Variants in SH3GL2 observed in about 807,000 individuals in gnomAD.
SH3GL2 encodes the protein endophilin-A1.
Under a neutral mutation model 46.0 loss-of-function variants are expected in SH3GL2, and 24 were observed. That is an observed-to-expected ratio of 0.52 (90% CI 0.38 to 0.73). The LOEUF (loss-of-function observed/expected upper bound fraction) is 0.73, where lower values mean the gene tolerates loss of function less well. Among genes scored for constraint, SH3GL2 ranks in the 30% least tolerant of loss-of-function variants. SH3GL2 has a pLI of 0.00. For missense variants in SH3GL2, 413 were observed against 424.2 expected (o/e 0.97, Z 0.23); for synonymous variants, 196 against 147.1 (o/e 1.33, Z -2.40).
intron 3 of SH3GL2, among the ~76,000 whole-genome samples, chr9:17,765,718 G>C (rs1044505166): frequency 1.3e-5 from 2 of 152,088 alleles, no homozygotes; most frequent in Non-Finnish European, 1.5e-5. Flanking sequence ...ACCACATTAG[G>C]TTCCCCTGTC....
intron 1 of SH3GL2, among the ~76,000 whole-genome samples, chr9:17,723,894 G>A (rs905261695): frequency 4.6e-5 from 7 of 152,020 alleles, no homozygotes; most frequent in Admixed American, 3.9e-4. Flanking sequence ...ATTACATAAT[G>A]AAATTCATAA....
chr9:17,752,347 T>C lies in SH3GL2; in HGVS notation c.114+5213T>C, dbSNP rs150932772. 2.8e-3 allele frequency among the ~76,000 whole-genome samples: 427 copies of C among 152,362 alleles called. 3 individuals are homozygous for C. Among genetic ancestry groups the C allele is most frequent in the African/African-American group, 9.8e-3 (406 of 41,588 alleles). ...GGTGTGTATGCATTATTAATAGTTG[T>C]AGTTTCTTAACTTCAGTGACAGAAA... On this transcript the variant is annotated intron_variant, in intron 2 of 8. Coordinates refer to ENST00000380607, the MANE Select transcript of SH3GL2 (RefSeq NM_003026.5).
At chr9:17,682,797 T>A (rs530763792) in intron 1 of SH3GL2, among the ~76,000 whole-genome samples, 1 of 152,226 alleles carries the variant, frequency 6.6e-6, no homozygotes, top group African/African-American at 2.4e-5. Flanking sequence ...ACTAGCATCC[T>A]AAGCACTTCC....
intron 1 of SH3GL2, among the ~76,000 whole-genome samples, chr9:17,650,659 G>C (rs7024337): frequency 0.93 from 141,033 of 152,288 alleles, 66,161 homozygotes; most frequent in East Asian, 1. Flanking sequence ...GCTCGGCCTT[G>C]TCTTGAGGTT....
intron 3 of SH3GL2, among the ~76,000 whole-genome samples, chr9:17,785,244 C>G (rs1823921500): frequency 6.6e-6 from 1 of 152,090 alleles, no homozygotes; most frequent in South Asian, 2.1e-4. Context: ...TCCTCAATCC[C>G]CCATCAAGGC....
intron 3 of SH3GL2, among the ~76,000 whole-genome samples, chr9:17,762,752 G>A (rs1369157616): frequency 2.0e-5 from 3 of 152,084 alleles, no homozygotes; most frequent in Non-Finnish European, 4.4e-5. Flanking sequence ...GCAAAAATCA[G>A]GTTTCTTATT....
chr9:17,743,427 C>G (rs913948157), intron 1 of SH3GL2, among the ~76,000 whole-genome samples: 30 of 152,138 alleles, frequency 2.0e-4, no homozygotes, highest in Admixed American at 1.8e-3. Context: ...ACATCATTCG[C>G]TATATTTGGT....
intron 1 of SH3GL2, among the ~76,000 whole-genome samples, chr9:17,736,644 A>G (rs1314224370): frequency 1.3e-5 from 2 of 152,164 alleles, no homozygotes; most frequent in Non-Finnish European, 2.9e-5. Flanking sequence ...AGAACTGACT[A>G]TACTGAGGTG....
intron 1 of SH3GL2, among the ~76,000 whole-genome samples, chr9:17,607,150 A>T (rs1365811287): frequency 6.6e-6 from 1 of 152,214 alleles, no homozygotes; most frequent in Non-Finnish European, 1.5e-5. Context: ...ATGCATCATT[A>T]GGTGATTTCA....
intron 3 of SH3GL2, among the ~76,000 whole-genome samples, chr9:17,765,195 T>C (rs10963259): frequency 0.27 from 11,521 of 42,150 alleles, 2,428 homozygotes; most frequent in East Asian, 0.72. Flanking sequence ...CGAGGGTACT[T>C]TGGGAGTACA....
At chr9:17,756,143 A>G (rs1272795680) in intron 2 of SH3GL2, among the ~76,000 whole-genome samples, 1 of 152,038 alleles carries the variant, frequency 6.6e-6, no homozygotes, top group East Asian at 1.9e-4. Context: ...TTCCAACAAA[A>G]CTTTATCTAA....
intron 1 of SH3GL2, among the ~76,000 whole-genome samples, chr9:17,696,623 A>G (rs1399000367): frequency 6.6e-6 from 1 of 152,062 alleles, no homozygotes; most frequent in Non-Finnish European, 1.5e-5. Flanking sequence ...CCCTTAAAAA[A>G]CCATCAGATC....
chr9:17,586,680 G>A (rs927529259), intron 1 of SH3GL2, among the ~76,000 whole-genome samples: 1 of 152,128 alleles, frequency 6.6e-6, no homozygotes, highest in Non-Finnish European at 1.5e-5. Context: ...GCAAAGTGGG[G>A]TAAAAGCCCC....
chr9:17,759,988 A>G lies in SH3GL2; in HGVS notation c.115-1449A>G, dbSNP rs117855870. Among the ~76,000 whole-genome samples, 350 of 152,238 alleles carry G rather than the reference A, an allele frequency of 2.3e-3. 1 individual carries two copies. Among genetic ancestry groups the G allele is most frequent in the Middle Eastern group, 0.01 (3 of 294 alleles). On this transcript the variant is annotated intron_variant, in intron 2 of 8. Transcript: ENST00000380607. Reference sequence around the variant, plus strand: ...CCATTTCCCTGGCATAAGACATTCTATGACTTGAGTACATAGTGGTTGTTT... The same window carrying G: ...CCATTTCCCTGGCATAAGACATTCTGTGACTTGAGTACATAGTGGTTGTTT...
chr9:17,722,855 G>A (rs1300409329), intron 1 of SH3GL2, among the ~76,000 whole-genome samples: 2 of 152,088 alleles, frequency 1.3e-5, no homozygotes, highest in Non-Finnish European at 2.9e-5. Flanking sequence ...AGATCCAGGT[G>A]AGAGATGCAT....
At chr9:17,774,939 A>T (rs887690550) in intron 3 of SH3GL2, among the ~76,000 whole-genome samples, 1 of 152,044 alleles carries the variant, frequency 6.6e-6, no homozygotes, top group African/African-American at 2.4e-5. Flanking sequence ...GAGATTTTTG[A>T]TTACTGATTC....
At chr9:17,605,064 C>A (rs1382664373) in intron 1 of SH3GL2, among the ~76,000 whole-genome samples, 1 of 151,452 alleles carries the variant, frequency 6.6e-6, no homozygotes, top group Non-Finnish European at 1.5e-5. Flanking sequence ...CCTCAACTTC[C>A]TGGGCTCAAG....
At chr9:17,745,700 G>A (rs1186024271) in intron 1 of SH3GL2, among the ~76,000 whole-genome samples, 1 of 152,124 alleles carries the variant, frequency 6.6e-6, no homozygotes, top group Non-Finnish European at 1.5e-5. Flanking sequence ...CCCCCAACAA[G>A]GAGATATCAG....
intron 1 of SH3GL2, chr9:17,630,404 C>G (rs1819392877): frequency 6.6e-6 from 1 of 152,188 alleles, no homozygotes; most frequent in Non-Finnish European, 1.5e-5. Flanking sequence ...AAACTGGATA[C>G]TTCTGGATAC....
Sources: gnomAD v4.1 joint callset for allele counts (sites outside exome capture counted in the v4.1 genomes callset) on GRCh38, gnomAD v4.1.1 for gene constraint, MANE v1.5 for transcripts, NCBI Gene and HGNC (gene_info 2026-07-23, HGNC 2026-07-21) for gene names.